The following PLEKHA5 variants were observed in gnomAD, a reference collection of about 807,000 sequenced individuals.
PLEKHA5 encodes the protein pleckstrin homology domain containing A5, also known as pleckstrin homology domain-containing family A member 5.
PLEKHA5 carries 55 observed loss-of-function variants against 181.9 expected under a neutral mutation model. The ratio of observed to expected loss-of-function variants is 0.30; its 90% CI spans 0.24 to 0.38. The LOEUF is 0.38. PLEKHA5 is among the 10% of genes least tolerant of loss of function. The pLI is 1.00. For missense variants in PLEKHA5, 1,432 were observed against 1,549.5 expected (o/e 0.92, Z 1.27); for synonymous variants, 535 against 529.4 (o/e 1.01, Z -0.15).
intron 12 of PLEKHA5, among the ~76,000 whole-genome samples, chr12:19,285,919 A>G (rs2077123687): frequency 6.6e-6 from 1 of 152,186 alleles, no homozygotes; most frequent in African/African-American, 2.4e-5. Flanking sequence ...AGTTCCTTTT[A>G]TTGTGAAACA....
intron 21 of PLEKHA5, among the ~76,000 whole-genome samples, chr12:19,340,916 C>T (rs67159140): frequency 0.078 from 11,576 of 148,040 alleles, 511 homozygotes; most frequent in African/African-American, 0.11. Context: ...CCAAATCCCC[C>T]TCTGCGAGAA....
At chr12:19,242,013 T>G (rs992633549) in intron 3 of PLEKHA5, among the ~76,000 whole-genome samples, 1 of 152,150 alleles carries the variant, frequency 6.6e-6, no homozygotes, top group South Asian at 2.1e-4. Context: ...AAGTTCAGAT[T>G]CACTCAAATT....
chr12:19,367,929 A>G (rs2095476773), intron 30 of PLEKHA5, among the ~76,000 whole-genome samples: 1 of 151,916 alleles, frequency 6.6e-6, no homozygotes, highest in Admixed American at 6.6e-5. Context: ...CCATTCCTAC[A>G]AAACCCCGCC....
intron 3 of PLEKHA5, among the ~76,000 whole-genome samples, chr12:19,234,951 G>A (rs968399800): frequency 7.2e-5 from 11 of 151,996 alleles, no homozygotes; most frequent in Admixed American, 6.6e-4. Context: ...TTTAAAGGGG[G>A]CTGTCGTTGG....
At chr12:19,197,705 TG>T (rs2053205290) in intron 3 of PLEKHA5, among the ~76,000 whole-genome samples, 1 of 149,194 alleles carries the variant, frequency 6.7e-6, no homozygotes, top group Non-Finnish European at 1.5e-5. Flanking sequence ...TGTGTGTGTG[TG>T]TGTGTGTGTG....
At chr12:19,215,403 A>G (rs1402385899) in intron 3 of PLEKHA5, among the ~76,000 whole-genome samples, 1 of 152,174 alleles carries the variant, frequency 6.6e-6, no homozygotes, top group African/African-American at 2.4e-5. Context: ...AGTGCTTTCT[A>G]GCATGCAGAA....
At chr12:19,164,840 C>T (rs2043913714) in intron 3 of PLEKHA5, among the ~76,000 whole-genome samples, 1 of 152,132 alleles carries the variant, frequency 6.6e-6, no homozygotes, top group Admixed American at 6.5e-5. Flanking sequence ...TCTTCTTTCC[C>T]CAGCTTCAAA....
rs1336459595 is a variant in PLEKHA5 at position 19,255,088 on chromosome 12, A to G, written c.355A>G (p.Ile119Val). 47 of 1,609,832 alleles carry G rather than the reference A, an allele frequency of 2.9e-5. No homozygotes were observed. The highest frequency in any genetic ancestry group is 3.9e-5 in the Non-Finnish European group (46 of 1,176,770). Residue 119 changes from isoleucine to valine, a missense_variant, in exon 5 of 32, where the codon ATA becomes GTA. Around this residue, in one of 2 missense-constraint regions of PLEKHA5, gnomAD observed 289 missense variants for 381.1 expected, o/e 0.76. Transcript: ENST00000429027. ...MTSEEKKERPISMINEASNYN... is the reference protein window; with the variant it reads ...MTSEEKKERPVSMINEASNYN... ...ATCTGAAGAAAAGAAGGAACGGCCAATAAGTATGATAAATGAAGCTTCTAA... is the reference window on the plus strand; with the variant it reads ...ATCTGAAGAAAAGAAGGAACGGCCAGTAAGTATGATAAATGAAGCTTCTAA...
intron 15 of PLEKHA5, among the ~76,000 whole-genome samples, chr12:19,310,558 C>A (rs560083221): frequency 5.7e-4 from 78 of 135,992 alleles, no homozygotes; most frequent in African/African-American, 2.0e-3. Flanking sequence ...TGAAGTGAGC[C>A]AAAATGGTGC....
At chr12:19,364,810 C>T (rs909039492) in intron 29 of PLEKHA5, among the ~76,000 whole-genome samples, 4 of 151,812 alleles carry the variant, frequency 2.6e-5, no homozygotes, top group African/African-American at 4.8e-5. Flanking sequence ...GGTTTATAGG[C>T]GCCTGCCACT....
At chr12:19,366,921 C>T (rs1481704488) in intron 30 of PLEKHA5, among the ~76,000 whole-genome samples, 2 of 151,382 alleles carry the variant, frequency 1.3e-5, no homozygotes, top group Non-Finnish European at 2.9e-5. Flanking sequence ...CAAATCTTTT[C>T]TTTTTTTTTC....
chr12:19,358,094 C>T (rs2095049061), intron 26 of PLEKHA5, 134 bp from the exon 27 acceptor site: 3 of 646,916 alleles, frequency 4.6e-6, no homozygotes, highest in Non-Finnish European at 7.9e-6. Flanking sequence ...CTGGTGATAT[C>T]TAAATGACAT....
chr12:19,371,253 C>G (rs1037539934), intron 31 of PLEKHA5: 1 of 152,094 alleles, frequency 6.6e-6, no homozygotes, highest in Non-Finnish European at 1.5e-5. Flanking sequence ...GTGATCTGTC[C>G]GCCTCAGCCT....
chr12:19,343,106 A>G (rs1252791711), intron 21 of PLEKHA5, among the ~76,000 whole-genome samples: 1 of 152,238 alleles, frequency 6.6e-6, no homozygotes, highest in Non-Finnish European at 1.5e-5. Context: ...ATATTTAAGT[A>G]TGAAAATTAA....
chr12:19,187,514 C>T (rs895877736), intron 3 of PLEKHA5, among the ~76,000 whole-genome samples: 1 of 152,064 alleles, frequency 6.6e-6, no homozygotes, highest in African/African-American at 2.4e-5. Context: ...GGCTTCAGTT[C>T]GTCAGTCATG....
chr12:19,307,289 A>G (rs1260097452), intron 15 of PLEKHA5: 1 of 395,648 alleles, frequency 2.5e-6, no homozygotes, highest in South Asian at 2.5e-5. Context: ...CCTGACCAAC[A>G]TGGTGAAACC....
chr12:19,155,210 G>A (rs1045975690), intron 3 of PLEKHA5, among the ~76,000 whole-genome samples: 4 of 152,148 alleles, frequency 2.6e-5, no homozygotes, highest in African/African-American at 9.7e-5. Flanking sequence ...CAAGCTCTAT[G>A]TAAAATAAAT....
At chr12:19,216,071 G>A (rs1007258536) in intron 3 of PLEKHA5, among the ~76,000 whole-genome samples, 8 of 152,258 alleles carry the variant, frequency 5.3e-5, no homozygotes, top group South Asian at 2.1e-4. Context: ...TTTTAGCTCC[G>A]TTTCCCATTG....
intron 6 of PLEKHA5, among the ~76,000 whole-genome samples, chr12:19,259,328 C>G (rs2067729103): frequency 6.6e-6 from 1 of 151,950 alleles, no homozygotes; most frequent in African/African-American, 2.4e-5. Context: ...GATCATGCCA[C>G]TGCACTCCAG....
Sources: gnomAD v4.1 joint callset for allele counts (sites outside exome capture counted in the v4.1 genomes callset) on GRCh38, gnomAD v4.1.1 for gene constraint, gnomAD v4.1.1 regional missense constraint, MANE v1.5 for transcripts, NCBI Gene and HGNC (gene_info 2026-07-23, HGNC 2026-07-21) for gene names.